RGS8: variants seen among roughly 807,000 people sequenced by gnomAD.
RGS8 encodes the protein regulator of G protein signaling 8.
Under a neutral mutation model 21.7 loss-of-function variants are expected in RGS8, and 8 were observed. The ratio of observed to expected loss-of-function variants is 0.37; its 90% CI spans 0.22 to 0.66. The LOEUF (loss-of-function observed/expected upper bound fraction) is 0.66, where lower values mean the gene tolerates loss of function less well. RGS8 is among the 30% of genes least tolerant of loss of function. The pLI, the probability that RGS8 is intolerant of heterozygous loss-of-function variation, is 0.59. For synonymous variants in RGS8, 80 were observed against 83.6 expected (o/e 0.96, Z 0.24); for missense variants, 157 against 217.9 (o/e 0.72, Z 1.76).
the RGS8 span, among the ~76,000 whole-genome samples, chr1:182,743,842 T>G: frequency 3.3e-5 from 5 of 152,186 alleles, no homozygotes; most frequent in African/African-American, 1.2e-4. Flanking sequence ...CATATAGACA[T>G]GCTACATACA....
upstream of RGS8, among the ~76,000 whole-genome samples, chr1:182,685,149 T>C (rs1034385877): frequency 1.3e-5 from 2 of 151,756 alleles, no homozygotes; most frequent in African/African-American, 4.8e-5. Flanking sequence ...TTCTGTGTCA[T>C]TTGTCACCCT....
intron 1 of RGS8, among the ~76,000 whole-genome samples, chr1:182,679,249 C>T (rs567081494): frequency 6.6e-6 from 1 of 152,316 alleles, no homozygotes; most frequent in Non-Finnish European, 1.5e-5. Context: ...TTCCTATCCC[C>T]TCCTAACCCC....
At chr1:182,690,304 G>A in the RGS8 span, among the ~76,000 whole-genome samples, 5 of 152,198 alleles carry the variant, frequency 3.3e-5, no homozygotes, top group Non-Finnish European at 4.4e-5. Context: ...ACTACTTTTC[G>A]ATTACCCATT....
At chr1:182,688,357 GCTCT>G (rs57313959), upstream of RGS8, among the ~76,000 whole-genome samples, 1,184 of 147,362 alleles carry the variant, frequency 8.0e-3, 10 homozygotes, top group African/African-American at 0.024. Flanking sequence ...TCTCTCGCTC[GCTCT>G]CTCTCTCTCT....
upstream of RGS8, among the ~76,000 whole-genome samples, chr1:182,686,735 G>C (rs1309912247): frequency 3.3e-5 from 5 of 152,200 alleles, no homozygotes; most frequent in Admixed American, 3.3e-4. Flanking sequence ...TTAGCAGAGA[G>C]GTAGGATTTG....
the RGS8 span, among the ~76,000 whole-genome samples, chr1:182,724,244 A>ATATATATATC: frequency 8.4e-6 from 1 of 119,760 alleles, no homozygotes; most frequent in Non-Finnish European, 1.7e-5. Flanking sequence ...ATATATATAT[A>ATATATATATC]TATCCTATTA....
At chr1:182,677,594 A>C (rs1387073351), upstream of RGS8, among the ~76,000 whole-genome samples, 1 of 152,192 alleles carries the variant, frequency 6.6e-6, no homozygotes, top group Non-Finnish European at 1.5e-5. Flanking sequence ...GCACATCTGT[A>C]ATGATTCTCC....
At chr1:182,725,383 G>A in the RGS8 span, among the ~76,000 whole-genome samples, 4 of 152,332 alleles carry the variant, frequency 2.6e-5, no homozygotes, top group South Asian at 6.2e-4. Context: ...CCAACTTCCT[G>A]TGGACTCAGA....
At chr1:182,730,736 C>A in the RGS8 span, among the ~76,000 whole-genome samples, 2 of 151,904 alleles carry the variant, frequency 1.3e-5, no homozygotes, top group Admixed American at 6.6e-5. Flanking sequence ...AATTTAGAGT[C>A]CTTCCAGCAA....
chr1:182,708,194 C>A, the RGS8 span, among the ~76,000 whole-genome samples: 5 of 152,180 alleles, frequency 3.3e-5, no homozygotes, highest in Admixed American at 6.5e-5. Context: ...CAGCAGCACC[C>A]CTTGGGAAGA....
the RGS8 span, among the ~76,000 whole-genome samples, chr1:182,691,575 G>A: frequency 2.8e-5 from 3 of 105,500 alleles, no homozygotes; most frequent in East Asian, 9.1e-4. Flanking sequence ...ATGCAGAAAA[G>A]GCTTTCAATA....
At chr1:182,727,359 C>T in the RGS8 span, among the ~76,000 whole-genome samples, 1 of 152,150 alleles carries the variant, frequency 6.6e-6, no homozygotes, top group Non-Finnish European at 1.5e-5. Flanking sequence ...CAGTGCCTGG[C>T]TCATAATAAG....
chr1:182,730,936 C>T, the RGS8 span, among the ~76,000 whole-genome samples: 1 of 152,138 alleles, frequency 6.6e-6, no homozygotes, highest in Non-Finnish European at 1.5e-5. Flanking sequence ...TCTCCTGGCC[C>T]ACATTTGAAA....
chr1:182,688,015 A>C (rs933818237), upstream of RGS8, among the ~76,000 whole-genome samples: 4 of 152,242 alleles, frequency 2.6e-5, no homozygotes, highest in African/African-American at 9.6e-5. Flanking sequence ...CATAGCTTTT[A>C]AACTGCGTAT....
the RGS8 span, among the ~76,000 whole-genome samples, chr1:182,726,962 G>A: frequency 6.6e-6 from 1 of 151,362 alleles, no homozygotes; most frequent in Non-Finnish European, 1.5e-5. Flanking sequence ...TTCACCTTCT[G>A]GGGCCATGTA....
chr1:182,721,011 ATATACACATATATATG>A, the RGS8 span, among the ~76,000 whole-genome samples: 1 of 107,630 alleles, frequency 9.3e-6, no homozygotes, highest in Non-Finnish European at 1.9e-5. Context: ...ATATATACAT[ATATACACATATATATG>A]TGTGTATATA....
At chr1:182,728,166 C>T in the RGS8 span, among the ~76,000 whole-genome samples, 2 of 152,200 alleles carry the variant, frequency 1.3e-5, no homozygotes, top group African/African-American at 4.8e-5. Flanking sequence ...TTGAAGCAGG[C>T]ATTAATCTAT....
At chr1:182,660,204 A>G (rs1324878271) in intron 5 of RGS8, among the ~76,000 whole-genome samples, 4 of 152,340 alleles carry the variant, frequency 2.6e-5, no homozygotes, top group East Asian at 3.9e-4. Context: ...TCACAACTGT[A>G]CAAGGTAAGC....
chr1:182,703,113 G>C, the RGS8 span, among the ~76,000 whole-genome samples: 2 of 152,206 alleles, frequency 1.3e-5, no homozygotes, highest in Non-Finnish European at 2.9e-5. Context: ...GTACTAGACA[G>C]TCTTATCTGA....
Sources: gnomAD v4.1 joint callset for allele counts (sites outside exome capture counted in the v4.1 genomes callset) on GRCh38, gnomAD v4.1.1 for gene constraint, MANE v1.5 for transcripts, NCBI Gene and HGNC (gene_info 2026-07-23, HGNC 2026-07-21) for gene names.